KCNJ1: variants seen among roughly 807,000 people sequenced by gnomAD.
KCNJ1 encodes the protein potassium inwardly rectifying channel subfamily J member 1, also known as ATP-sensitive inward rectifier potassium channel 1.
In KCNJ1, 24 loss-of-function variants were observed where a neutral mutation model predicts 21.9. That is an observed-to-expected ratio of 1.10 (90% CI 0.79 to 1.54). KCNJ1 has a LOEUF of 1.54. KCNJ1 is among the 40% of genes most tolerant of loss of function. The pLI, the probability that KCNJ1 is intolerant of heterozygous loss-of-function variation, is 0.00. For missense variants in KCNJ1, 457 were observed against 455.4 expected (o/e 1.00, Z -0.03); for synonymous variants, 152 against 160.9 (o/e 0.94, Z 0.42).
chr11:128,859,668 C>T (rs866741679), intron 1 of KCNJ1, among the ~76,000 whole-genome samples: 6 of 152,304 alleles, frequency 3.9e-5, no homozygotes, highest in Middle Eastern at 3.4e-3. Flanking sequence ...GGGGGAAAGG[C>T]TGGCCCTCCC....
chr11:128,856,233 G>GCCCAGCTCTACACCTA (rs142132415), intron 1 of KCNJ1, among the ~76,000 whole-genome samples: 15,027 of 152,236 alleles, frequency 0.099, 900 homozygotes, highest in East Asian at 0.32. Context: ...GAAAAAGATT[G>GCCCAGCTCTACACCTA]CCCATGGAAT....
chr11:128,850,788 G>A lies in KCNJ1; in HGVS notation c.-89C>T. ...GTATAAGTAGATCTTGGGGTGACCA[G>A]CAAGAGCTGCTTGGTTTGGGATTCC... On this transcript the variant is annotated 5_prime_UTR_variant, in exon 2 of 3. Coordinates refer to ENST00000392666, the MANE Select transcript of KCNJ1 (RefSeq NM_153766.3). 2.0e-6 allele frequency: 2 copies of A among 985,206 alleles called. No individual in the cohort carries two copies. Among genetic ancestry groups the A allele is most frequent in the Non-Finnish European group, 2.4e-6 (2 of 829,708 alleles). 61.0% of individuals were successfully genotyped at this position (985,206 alleles called of 1,614,324 possible).
chr11:128,858,095 C>T (rs1315377783), intron 1 of KCNJ1, among the ~76,000 whole-genome samples: 1 of 134,396 alleles, frequency 7.4e-6, no homozygotes, highest in Non-Finnish European at 1.5e-5. Context: ...TCCACGATGG[C>T]GAGAGATGGG....
chr11:128,842,517 A>G, intron 2 of KCNJ1: 3 of 1,597,964 alleles, frequency 1.9e-6, no homozygotes, highest in Non-Finnish European at 2.6e-6. Flanking sequence ...CAGTCAGTGG[A>G]CTGACGCTAA....
intron 2 of KCNJ1, chr11:128,842,319 A>G (rs1424798323): frequency 6.4e-6 from 10 of 1,562,994 alleles, no homozygotes; most frequent in Admixed American, 1.7e-5. Context: ...CCATGACTGC[A>G]TTAATGATGA....
At position 128,839,809 on chromosome 11, in the gene KCNJ1, A is replaced by G. The variant is rs1360352092; in HGVS notation, c.435T>C (p.Ser145=). Residue 145 remains serine, a synonymous_variant, in exon 3 of 3, where the codon TCT becomes TCC. Transcript: ENST00000392666. ...ATAIFLLIFQ[S]ILGVIINSFM... ...AAGAATTGATTATAACTCCAAGTAT[A>G]GACTGAAAGATAAGCAGAAAAATGG... The G allele has an allele frequency of 6.2e-7, 1 of 1,614,194 alleles. No individual in the cohort carries two copies. The highest frequency in any genetic ancestry group is 8.5e-7 in the Non-Finnish European group (1 of 1,180,016).
At position 128,839,725 on chromosome 11, in the gene KCNJ1, A is replaced by C; in HGVS notation, c.519T>G (p.Ile173Met). 1 of 1,613,654 alleles carries C rather than the reference A, an allele frequency of 6.2e-7. No individual in the cohort carries two copies. Among genetic ancestry groups the C allele is most frequent in the Non-Finnish European group, 8.5e-7 (1 of 1,179,860 alleles). Residue 173 changes from isoleucine (I) to methionine (M), a missense_variant, in exon 3 of 3, where the codon ATT becomes ATG. Transcript: ENST00000392666. The part of the protein sequence containing the change: ...ISRPKKRAKT[I>M]TFSKNAVISK... ...TGATCACTGCGTTCTTGCTGAACGTAATGGTCTTGGCACGTTTTTTGGGCC... is the reference window on the plus strand; with the variant it reads ...TGATCACTGCGTTCTTGCTGAACGTCATGGTCTTGGCACGTTTTTTGGGCC...
At chr11:128,844,459 A>T (rs1943344299) in intron 2 of KCNJ1, among the ~76,000 whole-genome samples, 1 of 152,236 alleles carries the variant, frequency 6.6e-6, no homozygotes, top group Admixed American at 6.5e-5. Context: ...TAAAATTCTA[A>T]ATAAGTCTGA....
intron 1 of KCNJ1, among the ~76,000 whole-genome samples, chr11:128,854,158 G>C (rs1943537319): frequency 6.6e-6 from 1 of 152,168 alleles, no homozygotes; most frequent in Non-Finnish European, 1.5e-5. Flanking sequence ...GTGCCAGAGG[G>C]CAGGTCTGTG....
rs550012330 is a variant in KCNJ1, at chr11:128,841,765, T to G, written c.-21-1501A>C. Among the ~76,000 whole-genome samples the G allele has an allele frequency of 2.0e-5, 3 of 152,202 alleles. No individual in the cohort carries two copies. The South Asian group carries it at 6.2e-4, about 32-fold the overall frequency. The stretch of plus-strand genomic sequence containing the variant: ...AGCCAACGCCAAGTCGAAGCGGTGA[T>G]GAGAAAACCACAGCTGTGGTGATTT... On this transcript the variant is annotated intron_variant, in intron 2 of 2. Transcript: ENST00000392666.
Position 128,839,648 on chromosome 11 carries a change from T to A in KCNJ1, c.596A>T (p.Lys199Met), listed in dbSNP as rs1943241759. The part of the protein sequence containing the change: ...CLLIRVANLR[K>M]SLLIGSHIYG... ...AATGTGACTGCCAATAAGAAGGCTC[T>A]TCCTGAGATTAGCCACTCGGATTAG... The change falls in exon 3 of 3, where the codon AAG becomes ATG. Residue 199 changes from lysine (K) to methionine (M), a missense_variant. Coordinates refer to ENST00000392666, the MANE Select transcript of KCNJ1 (RefSeq NM_153766.3). 6.2e-7 allele frequency: 1 copy of A among 1,613,694 alleles called. No homozygotes were observed.
At chr11:128,863,223 A>G (rs1014019142) in intron 1 of KCNJ1, among the ~76,000 whole-genome samples, 18 of 152,256 alleles carry the variant, frequency 1.2e-4, no homozygotes, top group African/African-American at 4.1e-4. Context: ...ATAGACCCCA[A>G]TAAATACAAT....
In KCNJ1 at chr11:128,840,012, G is replaced by A; in HGVS notation, c.232C>T (p.Leu78Phe). 6.2e-7 allele frequency: 1 copy of A among 1,613,978 alleles called. No individual in the cohort carries two copies. ...AFLGSWFFFG[L>F]LWYAVAYIHK... is the part of the protein sequence containing the mutation. Reference sequence around the variant, plus strand: ...ATGTACGCTACTGCATACCACAGGAGACCAAAGAAAAACCAACTCCCCAAG... The same window carrying A: ...ATGTACGCTACTGCATACCACAGGAAACCAAAGAAAAACCAACTCCCCAAG... The change falls in exon 3 of 3, where the codon CTC becomes TTC. Residue 78 changes from leucine (L) to phenylalanine (F), a missense_variant. Physicochemically the swap from Leu to Phe is conservative, Grantham distance 22 (BLOSUM62 0). Coordinates refer to ENST00000392666, the MANE Select transcript of KCNJ1 (RefSeq NM_153766.3).
chr11:128,838,745 CT>C lies in KCNJ1; in HGVS notation c.*379del, dbSNP rs1943212343. ...ATCAAAATGAGATTATTATTGTCCCCTGATCCTTTCTAAAGTTCATAACTTC... is the reference window on the plus strand; with the variant it reads ...ATCAAAATGAGATTATTATTGTCCCCGATCCTTTCTAAAGTTCATAACTTC... On this transcript the variant is annotated 3_prime_UTR_variant, in exon 3 of 3. Coordinates refer to ENST00000392666, the MANE Select transcript of KCNJ1 (RefSeq NM_153766.3). 2 of 216,132 alleles carry C rather than the reference CT, an allele frequency of 9.3e-6. No individual in the cohort carries two copies. Among genetic ancestry groups the C allele is most frequent in the Admixed American group, 5.3e-5 (1 of 18,870 alleles). 13.4% of individuals were successfully genotyped at this position (216,132 alleles called of 1,614,324 possible).
chr11:128,838,846 CCTTATATGAG>C lies in KCNJ1; in HGVS notation c.*269_*278del, dbSNP rs1234516022. On this transcript the variant is annotated 3_prime_UTR_variant, in exon 3 of 3. Transcript: ENST00000392666. Reference sequence around the variant, plus strand: ...TGATAATTTTATCTGCTCCAATCCACCTTATATGAGCTCAAATAATCATATTTAAGATTTC... The same window carrying C: ...TGATAATTTTATCTGCTCCAATCCACCTCAAATAATCATATTTAAGATTTC... 3 of 462,978 alleles carry C rather than the reference CCTTATATGAG, an allele frequency of 6.5e-6. No homozygotes were observed. Among genetic ancestry groups the C allele is most frequent in the African/African-American group, 5.9e-5 (3 of 50,836 alleles). The allele number at this position is 462,978 out of a possible 1,614,324, so 28.7% of individuals were successfully genotyped here.
At position 128,839,342 on chromosome 11, in the gene KCNJ1, A is replaced by G. The variant is rs1424774962; in HGVS notation, c.902T>C (p.Leu301Pro). The change falls in exon 3 of 3, where the codon CTT becomes CCT. Residue 301 changes from leucine (L) to proline (P), a missense_variant. Leu to Pro is a moderately conservative substitution (Grantham distance 98). Transcript: ENST00000392666. Reference sequence around the variant, plus strand: ...TATGGGAGCAAAACGGTAGCCCCAAAGCACCTCCTCTGGGACATAGGATGT... The same window carrying G: ...TATGGGAGCAAAACGGTAGCCCCAAGGCACCTCCTCTGGGACATAGGATGT... ...VRTSYVPEEV[L>P]WGYRFAPIVS... 3.7e-6 allele frequency: 6 copies of G among 1,614,070 alleles called. No homozygotes were observed. Among genetic ancestry groups the G allele is most frequent in the South Asian group, 1.1e-5 (1 of 91,074 alleles).
At chr11:128,862,411 C>T (rs1315045939) in intron 1 of KCNJ1, among the ~76,000 whole-genome samples, 1 of 152,088 alleles carries the variant, frequency 6.6e-6, no homozygotes, top group Non-Finnish European at 1.5e-5. Context: ...TCCTGGGGAG[C>T]GCTCTGGGGG....
At chr11:128,844,983 AGAG>A (rs1170726447) in intron 2 of KCNJ1, among the ~76,000 whole-genome samples, 27 of 152,322 alleles carry the variant, frequency 1.8e-4, no homozygotes, top group African/African-American at 5.5e-4. Flanking sequence ...ATGTGGCCTG[AGAG>A]GAGAAGTCAG....
Position 128,838,843 on chromosome 11 carries a change from C to T in KCNJ1, c.*282G>A. 2.4e-6 allele frequency: 1 copy of T among 421,156 alleles called. No homozygotes were observed. The highest frequency in any genetic ancestry group is 4.3e-6 in the Non-Finnish European group (1 of 234,404). The allele number at this position is 421,156 out of a possible 1,614,324, so 26.1% of individuals were successfully genotyped here. A position where few individuals can be genotyped will look rare whatever the true frequency, so the allele number is the denominator to read the frequency against. On this transcript the variant is annotated 3_prime_UTR_variant, in exon 3 of 3. Coordinates refer to ENST00000392666, the MANE Select transcript of KCNJ1 (RefSeq NM_153766.3). ...TTTTGATAATTTTATCTGCTCCAAT[C>T]CACCTTATATGAGCTCAAATAATCA... is the stretch of plus-strand genomic sequence containing the variant.
Sources: allele counts gnomAD v4.1 joint callset (sites outside exome capture counted in the v4.1 genomes callset), GRCh38; gene constraint gnomAD v4.1.1; transcripts MANE v1.5; gene names NCBI Gene and HGNC (gene_info 2026-07-23, HGNC 2026-07-21).